Variants in B4GALNT3 observed in about 807,000 individuals in gnomAD.
The protein encoded by B4GALNT3 is beta-1,4-N-acetyl-galactosaminyltransferase 3, also known as beta-1,4-N-acetylgalactosaminyltransferase 3.
Under a neutral mutation model 120.2 loss-of-function variants are expected in B4GALNT3, and 86 were observed. The observed-to-expected ratio is 0.72, with a 90% CI of 0.60 to 0.86. The LOEUF is 0.86. Ranked by LOEUF, B4GALNT3 falls within the 40% of genes least tolerant of loss-of-function variation. The pLI, the probability that B4GALNT3 is intolerant of heterozygous loss-of-function variation, is 0.00. For synonymous variants in B4GALNT3, 518 were observed against 510.4 expected (o/e 1.01, Z -0.20); for missense variants, 1,167 against 1,298.9 (o/e 0.90, Z 1.56).
intron 1 of B4GALNT3, among the ~76,000 whole-genome samples, chr12:497,130 T>C (rs1416692582): frequency 1.3e-5 from 2 of 152,158 alleles, no homozygotes; most frequent in African/African-American, 4.8e-5. Context: ...CCATCGCTCC[T>C]GGCTTTCATT....
At chr12:523,107 G>A (rs1019276110) in intron 1 of B4GALNT3, among the ~76,000 whole-genome samples, 11 of 152,284 alleles carry the variant, frequency 7.2e-5, no homozygotes, top group Middle Eastern at 6.8e-3. Flanking sequence ...TGACATCTGT[G>A]CCATTGTGAG....
intron 3 of B4GALNT3, among the ~76,000 whole-genome samples, chr12:539,156 C>T (rs1415038129): frequency 5.3e-5 from 8 of 152,160 alleles, no homozygotes; most frequent in Non-Finnish European, 1.0e-4. Flanking sequence ...ACTCAGCAGC[C>T]TCAGACGTTT....
intron 1 of B4GALNT3, among the ~76,000 whole-genome samples, chr12:486,086 G>C (rs531661524): frequency 6.6e-6 from 1 of 152,086 alleles, no homozygotes; most frequent in South Asian, 2.1e-4. Context: ...TCCCAAGCTT[G>C]TGTGAGTTTT....
intron 1 of B4GALNT3, among the ~76,000 whole-genome samples, chr12:466,994 G>A (rs1013790959): frequency 1.3e-5 from 2 of 151,584 alleles, no homozygotes; most frequent in South Asian, 2.1e-4. Context: ...CGGTGGGGGC[G>A]GTGCTATGAA....
intron 1 of B4GALNT3, among the ~76,000 whole-genome samples, chr12:533,980 G>C (rs763187402): frequency 6.6e-6 from 1 of 152,200 alleles, no homozygotes; most frequent in Non-Finnish European, 1.5e-5. Flanking sequence ...TGGTGCTCAC[G>C]TAGGGGTTCC....
rs199512986 is a variant in B4GALNT3, at chr12:548,337, G to T, written c.853+40G>T. Reference sequence around the variant, plus strand: ...GCCCTGCCCTGGAGATGGAGGCCAGGTGGGGACAGCCTACCCTGGGGGATT... The same window carrying T: ...GCCCTGCCCTGGAGATGGAGGCCAGTTGGGGACAGCCTACCCTGGGGGATT... On this transcript the variant is annotated intron_variant, in intron 9 of 19. Coordinates refer to ENST00000266383, the MANE Select transcript of B4GALNT3 (RefSeq NM_173593.4). This position sits in a 1 kb window ranked among gnomAD's most constrained non-coding sequence, Gnocchi z 4.9. The T allele has an allele frequency of 2.2e-3, 3,485 of 1,590,802 alleles. 5 individuals are homozygous for T. Among genetic ancestry groups the T allele is most frequent in the Admixed American group, 3.2e-3 (190 of 59,958 alleles).
chr12:555,255 C>G (rs1189670921), intron 14 of B4GALNT3: 2 of 441,384 alleles, frequency 4.5e-6, no homozygotes, highest in Admixed American at 4.9e-5. Context: ...CTCCTACCCC[C>G]AGTAGTGTCT....
intron 1 of B4GALNT3, among the ~76,000 whole-genome samples, chr12:491,565 G>A (rs1486219251): frequency 1.3e-5 from 2 of 151,776 alleles, no homozygotes; most frequent in African/African-American, 4.8e-5. Context: ...CTGAGCTCAA[G>A]CAATCTGCCT....
chr12:498,192 T>C (rs1946406586), intron 1 of B4GALNT3, among the ~76,000 whole-genome samples: 1 of 152,174 alleles, frequency 6.6e-6, no homozygotes, highest in Non-Finnish European at 1.5e-5. Context: ...TTTCTGTCTT[T>C]CCATTCGATG....
chr12:539,179 C>T (rs771214138), intron 3 of B4GALNT3, among the ~76,000 whole-genome samples: 5 of 152,168 alleles, frequency 3.3e-5, no homozygotes, highest in Non-Finnish European at 7.3e-5. Flanking sequence ...CTTGGTGCAC[C>T]AGAGGCTGAC....
At chr12:514,430 C>T (rs1336041598) in intron 1 of B4GALNT3, among the ~76,000 whole-genome samples, 1 of 151,716 alleles carries the variant, frequency 6.6e-6, no homozygotes, top group Non-Finnish European at 1.5e-5. Flanking sequence ...ATCTACTGAC[C>T]TCGTGATCTG....
rs181908572 is a variant in B4GALNT3 at position 510,435 on chromosome 12, G to C, written c.170-24731G>C. On this transcript the variant is annotated intron_variant, in intron 1 of 19. Coordinates refer to ENST00000266383, the MANE Select transcript of B4GALNT3 (RefSeq NM_173593.4). Reference sequence around the variant, plus strand: ...ATCCTCTTCCTACTGTGACCTGAGAGACACTCCATGGGGGGGTTGGACGCT... The same window carrying C: ...ATCCTCTTCCTACTGTGACCTGAGACACACTCCATGGGGGGGTTGGACGCT... Among the ~76,000 whole-genome samples the C allele has an allele frequency of 2.2e-3, 253 of 115,444 alleles. 1 individual carries two copies. Among genetic ancestry groups the C allele is most frequent in the African/African-American group, 7.0e-3 (246 of 35,008 alleles). 75.7% of individuals were successfully genotyped at this position (115,444 alleles called of 152,430 possible).
intron 14 of B4GALNT3, among the ~76,000 whole-genome samples, chr12:555,036 G>T (rs535108698): frequency 1.3e-5 from 2 of 151,818 alleles, no homozygotes; most frequent in South Asian, 4.1e-4. Flanking sequence ...AAATTAGCAG[G>T]GCTTGATGGC....
intron 1 of B4GALNT3, among the ~76,000 whole-genome samples, chr12:492,803 G>C (rs891712600): frequency 6.6e-6 from 1 of 151,442 alleles, no homozygotes; most frequent in African/African-American, 2.4e-5. Context: ...TCCAGAAATA[G>C]ACCCATATAA....
chr12:518,548 G>A (rs867141682), intron 1 of B4GALNT3, among the ~76,000 whole-genome samples: 3 of 151,986 alleles, frequency 2.0e-5, no homozygotes, highest in African/African-American at 2.4e-5. Flanking sequence ...GACCACAGGC[G>A]TGTGCCACCA....
intron 1 of B4GALNT3, among the ~76,000 whole-genome samples, chr12:525,521 TCTCCCA>T (rs1404929215): frequency 2.0e-5 from 3 of 152,236 alleles, no homozygotes; most frequent in African/African-American, 2.4e-5. Context: ...TGTATTCTTC[TCTCCCA>T]CTCTTTTTCC....
At chr12:543,326 G>A in intron 3 of B4GALNT3, 1 of 757,198 alleles carries the variant, frequency 1.3e-6, no homozygotes. Context: ...GCTGGGATGG[G>A]CATGGGGTGG....
intron 11 of B4GALNT3, 122 bp downstream of exon 11, chr12:551,153 A>G (rs1362576102): frequency 4.8e-6 from 4 of 838,022 alleles, no homozygotes; most frequent in Non-Finnish European, 7.6e-6. Context: ...AGCAGACAGG[A>G]CGTCCTCACA....
At chr12:543,098 C>G in intron 3 of B4GALNT3, 1 of 1,288,442 alleles carries the variant, frequency 7.8e-7, no homozygotes, top group Non-Finnish European at 1.0e-6. Flanking sequence ...GAATGAACAC[C>G]AGCCCCCTTC....
Sources: gnomAD v4.1 joint callset for allele counts (sites outside exome capture counted in the v4.1 genomes callset) on GRCh38, gnomAD v4.1.1 for gene constraint, Gnocchi (gnomAD v3.1) non-coding constraint, MANE v1.5 for transcripts, NCBI Gene and HGNC (gene_info 2026-07-23, HGNC 2026-07-21) for gene names.